The following NCKAP5 variants were observed in gnomAD, a reference collection of about 807,000 sequenced individuals.
NCKAP5 encodes nck-associated protein 5.
NCKAP5 carries 92 observed loss-of-function variants against 167.0 expected under a neutral mutation model. That is an observed-to-expected ratio of 0.55 (90% CI 0.47 to 0.66). The LOEUF is 0.66. Among genes scored for constraint, NCKAP5 ranks in the 30% least tolerant of loss-of-function variants. The probability of loss-of-function intolerance (pLI) is 0.00; values close to 1 mark genes in which losing one functional copy is unlikely to be tolerated. For synonymous variants in NCKAP5, 891 were observed against 877.4 expected (o/e 1.02, Z -0.27); for missense variants, 2,378 against 2,315.0 (o/e 1.03, Z -0.56).
chr2:133,584,951 A>AAGGAAGGAAGGAAGGT, the NCKAP5 span, among the ~76,000 whole-genome samples: 1 of 129,098 alleles, frequency 7.7e-6, no homozygotes, highest in South Asian at 3.0e-4. Context: ...AGAAGGAAGG[A>AAGGAAGGAAGGAAGGT]AGGAAGGAAG....
At chr2:133,096,942 C>T (rs2081362373) in intron 6 of NCKAP5, among the ~76,000 whole-genome samples, 1 of 152,190 alleles carries the variant, frequency 6.6e-6, no homozygotes, top group Non-Finnish European at 1.5e-5. Context: ...AGCAGAGACT[C>T]TCTATACAAT....
At chr2:133,546,498 T>C (rs1318193284) in intron 2 of NCKAP5, among the ~76,000 whole-genome samples, 1 of 151,214 alleles carries the variant, frequency 6.6e-6, no homozygotes, top group Non-Finnish European at 1.5e-5. Context: ...CGCTATAGAG[T>C]TTCAAGGGAT....
intron 3 of NCKAP5, among the ~76,000 whole-genome samples, chr2:133,503,530 C>G (rs1029979055): frequency 1.3e-5 from 2 of 152,152 alleles, no homozygotes; most frequent in Admixed American, 6.5e-5. Context: ...GTTTCATTTT[C>G]CTTTCAACAG....
At chr2:132,737,737 T>C (rs1202559417) in intron 16 of NCKAP5, among the ~76,000 whole-genome samples, 3 of 152,110 alleles carry the variant, frequency 2.0e-5, no homozygotes, top group Non-Finnish European at 4.4e-5. Flanking sequence ...GTGATAAGCC[T>C]GGCACAATGC....
At chr2:132,954,166 A>G (rs10175268) in intron 8 of NCKAP5, among the ~76,000 whole-genome samples, 12,006 of 152,240 alleles carry the variant, frequency 0.079, 689 homozygotes, top group Non-Finnish European at 0.12. Flanking sequence ...CTGAAAGAGT[A>G]ATCACAAATA....
chr2:132,999,504 A>C (rs902280873), intron 6 of NCKAP5, among the ~76,000 whole-genome samples: 5 of 152,142 alleles, frequency 3.3e-5, no homozygotes, highest in African/African-American at 4.8e-5. Context: ...CTAGACACCA[A>C]AGGAAGATCT....
chr2:132,973,424 C>A (rs1297865697), intron 7 of NCKAP5, among the ~76,000 whole-genome samples: 1 of 152,162 alleles, frequency 6.6e-6, no homozygotes. Flanking sequence ...CTGCCACTAG[C>A]CAGCTGTGTA....
chr2:133,424,275 T>C (rs1055440685), intron 3 of NCKAP5, among the ~76,000 whole-genome samples: 7 of 152,192 alleles, frequency 4.6e-5, no homozygotes, highest in Non-Finnish European at 8.8e-5. Flanking sequence ...GCTCTCAATT[T>C]TCTCAGGCCT....
intron 3 of NCKAP5, among the ~76,000 whole-genome samples, chr2:133,386,492 T>A (rs56410092): frequency 6.6e-6 from 1 of 152,080 alleles, no homozygotes; most frequent in Non-Finnish European, 1.5e-5. Flanking sequence ...TTGGAATAGG[T>A]GTGGTGTGGT....
At position 133,296,205 on chromosome 2, in the gene NCKAP5, C is replaced by A. The variant is rs189578493; in HGVS notation, c.143+6832G>T. 3.2e-3 allele frequency among the ~76,000 whole-genome samples: 487 copies of A among 152,284 alleles called. 3 individuals are homozygous for A. The highest frequency in any genetic ancestry group is 0.011 in the African/African-American group (460 of 41,540). ...CCCTGCATTCTCATGGATCAACTGG[C>A]ACCATCCAGAAAGGTGAACTGGCTC... On this transcript the variant is annotated intron_variant, in intron 4 of 19. Transcript: ENST00000409261.
intron 3 of NCKAP5, among the ~76,000 whole-genome samples, chr2:133,470,618 C>A (rs184619737): frequency 1.3e-5 from 2 of 152,198 alleles, no homozygotes; most frequent in African/African-American, 4.8e-5. Context: ...GCCTCGCTGC[C>A]GCCTTGCAGT....
At chr2:133,110,298 A>G (rs1317000800) in intron 6 of NCKAP5, among the ~76,000 whole-genome samples, 2 of 152,192 alleles carry the variant, frequency 1.3e-5, no homozygotes, top group African/African-American at 4.8e-5. Context: ...ATCCTGGATT[A>G]TTTCTAAAAT....
chr2:133,552,919 G>C lies in NCKAP5; in HGVS notation c.-62+6131C>G, dbSNP rs563049470. Among the ~76,000 whole-genome samples the C allele has an allele frequency of 1.4e-4, 22 of 152,240 alleles. No homozygotes were observed. The East Asian group carries it at 4.2e-3, about 29-fold the overall frequency. ...GTTGCTATATGCTCAAATTGTCCAAGGTATGATGAGGGCATGAAGCAAGTA... is the reference window on the plus strand; with the variant it reads ...GTTGCTATATGCTCAAATTGTCCAACGTATGATGAGGGCATGAAGCAAGTA... On this transcript the variant is annotated intron_variant, in intron 2 of 19. Coordinates refer to ENST00000409261, the MANE Select transcript of NCKAP5 (RefSeq NM_207363.3).
intron 6 of NCKAP5, among the ~76,000 whole-genome samples, chr2:133,107,208 G>T (rs1234359063): frequency 2.0e-5 from 3 of 152,172 alleles, no homozygotes; most frequent in Admixed American, 6.5e-5. Context: ...ACCACGGCCA[G>T]CGCCCACTAC....
At chr2:133,505,503 TCTGCATGCCAGGCATGGTA>T (rs1210265005) in intron 3 of NCKAP5, among the ~76,000 whole-genome samples, 6 of 152,144 alleles carry the variant, frequency 3.9e-5, no homozygotes, top group Non-Finnish European at 8.8e-5. Flanking sequence ...GGTAGAGAAG[TCTGCATGCCAGGCATGGTA>T]CTGCATGCCC....
intron 3 of NCKAP5, among the ~76,000 whole-genome samples, chr2:133,385,215 C>T (rs999178394): frequency 8.5e-5 from 13 of 152,128 alleles, no homozygotes; most frequent in African/African-American, 2.7e-4. Context: ...TTTTGAGATA[C>T]ATCCCATCAA....
intron 3 of NCKAP5, among the ~76,000 whole-genome samples, chr2:133,311,883 T>C (rs57235980): frequency 0.17 from 26,607 of 152,126 alleles, 2,442 homozygotes; most frequent in Non-Finnish European, 0.2. Context: ...TTTTCTAAAT[T>C]ACTTTTTACT....
At chr2:132,755,211 C>G (rs1262637725) in intron 16 of NCKAP5, among the ~76,000 whole-genome samples, 1 of 152,204 alleles carries the variant, frequency 6.6e-6, no homozygotes, top group Non-Finnish European at 1.5e-5. Flanking sequence ...GATGAAGGCA[C>G]TGAATGGGTA....
At chr2:133,477,847 G>T (rs1250917378) in intron 3 of NCKAP5, among the ~76,000 whole-genome samples, 2 of 152,156 alleles carry the variant, frequency 1.3e-5, no homozygotes, top group Non-Finnish European at 2.9e-5. Flanking sequence ...GCAGGATGGT[G>T]CAGGTCAGCA....
Sources: allele counts gnomAD v4.1 joint callset (sites outside exome capture counted in the v4.1 genomes callset), GRCh38; gene constraint gnomAD v4.1.1; transcripts MANE v1.5; gene names NCBI Gene and HGNC (gene_info 2026-07-23, HGNC 2026-07-21).